The following TCL1B variants were observed in gnomAD, a reference collection of about 807,000 sequenced individuals.
The protein encoded by TCL1B is T-cell leukemia/lymphoma protein 1B.
A neutral mutation model predicts 16.9 loss-of-function variants in TCL1B; 14 were observed. The ratio of observed to expected loss-of-function variants is 0.83; its 90% CI spans 0.55 to 1.30. The LOEUF (loss-of-function observed/expected upper bound fraction) is 1.30. Ranked by LOEUF, TCL1B falls within the 50% of genes most tolerant of loss-of-function variation. The pLI, the probability that TCL1B is intolerant of heterozygous loss-of-function variation, is 0.00. For missense variants in TCL1B, 166 were observed against 165.2 expected (o/e 1.00, Z -0.03); for synonymous variants, 79 against 66.6 (o/e 1.19, Z -0.91).
At chr14:95,689,014 C>CAT (rs1566740040) in intron 1 of TCL1B, among the ~76,000 whole-genome samples, 1 of 152,212 alleles carries the variant, frequency 6.6e-6, no homozygotes, top group East Asian at 1.9e-4. Flanking sequence ...TGGCCGGGTG[C>CAT]GGTGGCTCAC....
Position 95,691,438 on chromosome 14 carries a change from T to G in TCL1B, c.*15+102T>G, listed in dbSNP as rs145147503. The G allele has an allele frequency of 1.2e-4, 129 of 1,115,962 alleles. No homozygotes were observed. The East Asian group carries it at 2.6e-3, about 23-fold the overall frequency. 69.1% of individuals were successfully genotyped at this position (1,115,962 alleles called of 1,614,324 possible). ...GCGTGGCCTCCTCCTCCCTGCTGTT[T>G]GCTGAGATTTTTCTTACATAGCCAC... On this transcript the variant is annotated intron_variant, in intron 3 of 3. Coordinates refer to ENST00000340722, the MANE Select transcript of TCL1B (RefSeq NM_004918.4).
rs1042732631 is a variant in TCL1B, at chr14:95,690,864, A to C, written c.291A>C (p.Arg97=). Residue 97 remains arginine (R), a synonymous_variant, in exon 2 of 4, where the codon CGA becomes CGC. Coordinates refer to ENST00000340722, the MANE Select transcript of TCL1B (RefSeq NM_004918.4). ...VWQLYPGRKY[R]AADSSFWEIA... is the part of the protein sequence containing the mutation. ...AGCTCTACCCCGGGAGGAAGTACCG[A>C]GCAGCGGATTCCAGTTTCTGGGAAA... 5 of 1,614,160 alleles carry C rather than the reference A, an allele frequency of 3.1e-6. No homozygotes were observed. The highest frequency in any genetic ancestry group is 3.4e-6 in the Non-Finnish European group (4 of 1,179,992).
At position 95,686,445 on chromosome 14, in the gene TCL1B, C is replaced by T. The variant is rs897616572; in HGVS notation, c.-23C>T. 9.5e-6 allele frequency: 15 copies of T among 1,574,268 alleles called. No individual in the cohort carries two copies. Among genetic ancestry groups the T allele is most frequent in the South Asian group, 2.4e-5 (2 of 81,858 alleles). On this transcript the variant is annotated 5_prime_UTR_variant, in exon 1 of 4. Transcript: ENST00000340722. ...AAAGCTACACGTGTGAGCCTAGAGG[C>T]GGGTCCCGGTTGCAGACTTGCCATG...
At position 95,691,551 on chromosome 14, in the gene TCL1B, C is replaced by T. The variant is rs181930932; in HGVS notation, c.*15+215C>T. 169 of 487,268 alleles carry T rather than the reference C, an allele frequency of 3.5e-4. 1 individual carries two copies. The East Asian group carries it at 5.2e-3, about 15-fold the overall frequency. 30.2% of individuals were successfully genotyped at this position (487,268 alleles called of 1,614,324 possible). ...AAGTTCCTAAAGCATGGGATCTCAT[C>T]GAATAAGACTCATCATTTAATCCTT... is the stretch of plus-strand genomic sequence containing the variant. On this transcript the variant is annotated intron_variant, in intron 3 of 3. Transcript: ENST00000340722.
rs1885860174 is a variant in TCL1B, at chr14:95,690,716, C to T, written c.163-20C>T. 1 of 1,594,518 alleles carries T rather than the reference C, an allele frequency of 6.3e-7. No individual in the cohort carries two copies. The highest frequency in any genetic ancestry group is 8.6e-7 in the Non-Finnish European group (1 of 1,164,214). On this transcript the variant is annotated intron_variant, in intron 1 of 3. Transcript: ENST00000340722. ...GGGAACCCTATCCATGATTTGCCGCCTCTTTTCTGGTCCCTTCAGTATGAA... is the reference window on the plus strand; with the variant it reads ...GGGAACCCTATCCATGATTTGCCGCTTCTTTTCTGGTCCCTTCAGTATGAA...
At chr14:95,691,137 GA>G in intron 2 of TCL1B, 130 bp from the exon 3 acceptor site, 5 of 1,192,570 alleles carry the variant, frequency 4.2e-6, no homozygotes, top group Non-Finnish European at 5.9e-6. Flanking sequence ...CTGGGCTAGG[GA>G]AATCCACAAG....
intron 1 of TCL1B, among the ~76,000 whole-genome samples, chr14:95,687,516 C>T (rs903418138): frequency 6.6e-6 from 1 of 152,172 alleles, no homozygotes; most frequent in Non-Finnish European, 1.5e-5. Flanking sequence ...TCAAGCTCTG[C>T]TTTTGGGAAC....
intron 1 of TCL1B, chr14:95,689,497 C>G (rs541495900): frequency 1.6e-4 from 25 of 152,272 alleles, no homozygotes; most frequent in African/African-American, 6.0e-4. Context: ...ATGCAAAGAT[C>G]AGCCACCTTT....
intron 1 of TCL1B, among the ~76,000 whole-genome samples, chr14:95,690,440 A>G (rs1203057901): frequency 2.0e-5 from 3 of 152,154 alleles, no homozygotes; most frequent in African/African-American, 4.8e-5. Flanking sequence ...AATTACGGCA[A>G]TGGCAGAGAT....
intron 2 of TCL1B, 140 bp downstream of exon 2, chr14:95,691,046 T>C: frequency 8.7e-7 from 1 of 1,154,224 alleles, no homozygotes; most frequent in Non-Finnish European, 1.2e-6. Context: ...CAAGGAGGCC[T>C]GAGTGTGTGT....
In TCL1B at chr14:95,686,489, C is replaced by T. The variant is rs540251214; in HGVS notation, c.22C>T (p.Arg8Cys). Reference protein sequence around the residue: MASEASVRLGVPPGRLWI... With the variant: MASEASVCLGVPPGRLWI... ...TGCCATGGCCTCCGAAGCTTCTGTG[C>T]GTCTAGGGGTGCCCCCTGGCCGTCT... Residue 8 changes from arginine to cysteine, a missense_variant, in exon 1 of 4, where the codon CGT becomes TGT. Transcript: ENST00000340722. 1.9e-6 allele frequency: 3 copies of T among 1,605,416 alleles called. No homozygotes were observed. The highest frequency in any genetic ancestry group is 4.5e-5 in the East Asian group (2 of 44,780).
chr14:95,688,683 A>C (rs573150974), intron 1 of TCL1B, among the ~76,000 whole-genome samples: 1 of 152,360 alleles, frequency 6.6e-6, no homozygotes, highest in African/African-American at 2.4e-5. Flanking sequence ...CCATTGATAG[A>C]TGAATGGGTA....
rs1470056156 is a variant in TCL1B at position 95,690,914 on chromosome 14, T to G, written c.333+8T>G. 2 of 1,612,236 alleles carry G rather than the reference T, an allele frequency of 1.2e-6. No homozygotes were observed. The highest frequency in any genetic ancestry group is 3.3e-4 in the Middle Eastern group (2 of 6,056). On this transcript the variant is annotated splice_region_variant and intron_variant, in intron 2 of 3. Transcript: ENST00000340722. ...ATAGCAGACCATGGCCAGGCAAGTG[T>G]GTGGTGGTTCTAGGTGAAAGCGACA...
chr14:95,688,151 T>C (rs1885803835), intron 1 of TCL1B: 2 of 147,338 alleles, frequency 1.4e-5, no homozygotes, highest in African/African-American at 5.1e-5. Flanking sequence ...GATTTTTTTT[T>C]ACAGTTAATT....
At chr14:95,687,911 C>T (rs1409598707) in intron 1 of TCL1B, among the ~76,000 whole-genome samples, 1 of 137,516 alleles carries the variant, frequency 7.3e-6, no homozygotes, top group Non-Finnish European at 1.5e-5. Context: ...GAGATCGCAC[C>T]ACTGCACTCC....
At chr14:95,689,333 T>C (rs1472909345) in intron 1 of TCL1B, 5 of 152,090 alleles carry the variant, frequency 3.3e-5, no homozygotes, top group Non-Finnish European at 7.4e-5. Flanking sequence ...TTTTTTTTTT[T>C]TTTAAATGAT....
intron 1 of TCL1B, among the ~76,000 whole-genome samples, chr14:95,687,454 A>G (rs1377207087): frequency 6.6e-6 from 1 of 151,708 alleles, no homozygotes; most frequent in Non-Finnish European, 1.5e-5. Flanking sequence ...ATCCTCTACT[A>G]TATTTGAAAT....
chr14:95,688,880 GT>G (rs1458047612), intron 1 of TCL1B, among the ~76,000 whole-genome samples: 1 of 152,244 alleles, frequency 6.6e-6, no homozygotes, highest in Non-Finnish European at 1.5e-5. Context: ...AGGATGGGAA[GT>G]TAATGTTAGT....
chr14:95,687,098 T>C (rs139005615), intron 1 of TCL1B, among the ~76,000 whole-genome samples: 1 of 152,298 alleles, frequency 6.6e-6, no homozygotes, highest in East Asian at 1.9e-4. Context: ...GAGAATAATA[T>C]ACCTCTGTGG....
Sources: gnomAD v4.1 joint callset for allele counts (sites outside exome capture counted in the v4.1 genomes callset) on GRCh38, gnomAD v4.1.1 for gene constraint, MANE v1.5 for transcripts, NCBI Gene and HGNC (gene_info 2026-07-23, HGNC 2026-07-21) for gene names.